MAP1LC3B: variants seen among roughly 807,000 people sequenced by gnomAD.
MAP1LC3B encodes the protein microtubule-associated protein 1 light chain 3 beta.
MAP1LC3B carries 12 observed loss-of-function variants against 16.7 expected under a neutral mutation model. The observed-to-expected ratio is 0.72, with a 90% CI of 0.46 to 1.16. The LOEUF (loss-of-function observed/expected upper bound fraction) is 1.16, where lower values mean the gene tolerates loss of function less well. Ranked by LOEUF, MAP1LC3B falls within the 50% of genes most tolerant of loss-of-function variation. MAP1LC3B has a pLI of 0.00. For synonymous variants in MAP1LC3B, 63 were observed against 56.5 expected, an observed-to-expected ratio of 1.11 and a Z score of -0.51; for missense variants, 155 against 159.5, an observed-to-expected ratio of 0.97 and a Z score of 0.15.
At chr16:87,393,883 C>T (rs1419701479) in intron 1 of MAP1LC3B, among the ~76,000 whole-genome samples, 1 of 152,186 alleles carries the variant, frequency 6.6e-6, no homozygotes, top group Non-Finnish European at 1.5e-5. Context: ...CTGTTTTCAC[C>T]AATGAAAAGT....
rs1908099057 is a variant in MAP1LC3B at position 87,404,284 on chromosome 16, T to G, written c.*1187T>G. 6.6e-6 allele frequency: 1 copy of G among 152,200 alleles called. No individual in the cohort carries two copies. The highest frequency in any genetic ancestry group is 2.1e-4 in the South Asian group (1 of 4,832). The allele number at this position is 152,200 out of a possible 1,614,324, so 9.4% of individuals were successfully genotyped here. ...CTTGCATGGGGTTCACTATTTATAG[T>G]TTTCTTGGGAGTATCACAGGAAAAT... is the stretch of plus-strand genomic sequence containing the variant. On this transcript the variant is annotated 3_prime_UTR_variant, in exon 4 of 4. Coordinates refer to ENST00000268607, the MANE Select transcript of MAP1LC3B (RefSeq NM_022818.5).
intron 1 of MAP1LC3B, chr16:87,393,463 G>A (rs1907682277): frequency 6.6e-6 from 1 of 152,218 alleles, no homozygotes; most frequent in African/African-American, 2.4e-5. Context: ...GTTTCCCGGA[G>A]TCTAGAAAGA....
intron 1 of MAP1LC3B, among the ~76,000 whole-genome samples, chr16:87,394,561 C>T (rs1001809033): frequency 1.3e-5 from 2 of 152,222 alleles, no homozygotes; most frequent in African/African-American, 4.8e-5. Context: ...AAAACAACGC[C>T]TTCCTTTTGT....
intron 1 of MAP1LC3B, among the ~76,000 whole-genome samples, chr16:87,398,591 A>G (rs562585647): frequency 1.3e-4 from 20 of 152,340 alleles, no homozygotes; most frequent in Non-Finnish European, 2.8e-4. Context: ...TCTTTGTCCT[A>G]TCACCTGATA....
In MAP1LC3B at chr16:87,394,317, A is replaced by G. The variant is rs529124010; in HGVS notation, c.40+1850A>G. Among the ~76,000 whole-genome samples the G allele has an allele frequency of 5.0e-3, 768 of 152,212 alleles. 5 individuals carry two copies. Among genetic ancestry groups the G allele is most frequent in the African/African-American group, 0.017 (704 of 41,536 alleles). Reference sequence around the variant, plus strand: ...CTTTCTAGTTCATGAATATTTTGGTAATGTTGATCATGAGTACTGACAGTT... The same window carrying G: ...CTTTCTAGTTCATGAATATTTTGGTGATGTTGATCATGAGTACTGACAGTT... On this transcript the variant is annotated intron_variant, in intron 1 of 3. Transcript: ENST00000268607.
At chr16:87,392,493 G>C (rs1351223149) in intron 1 of MAP1LC3B, 26 bp downstream of exon 1, 15 of 1,302,150 alleles carry the variant, frequency 1.2e-5, no homozygotes, top group Admixed American at 8.5e-5. Flanking sequence ...AGGGCGGCGG[G>C]TGCGGCGGGG....
At position 87,404,058 on chromosome 16, in the gene MAP1LC3B, G is replaced by A. The variant is rs1202895768; in HGVS notation, c.*961G>A. 6.6e-6 allele frequency: 1 copy of A among 152,178 alleles called. No homozygotes were observed. Among genetic ancestry groups the A allele is most frequent in the Admixed American group, 6.5e-5 (1 of 15,274 alleles). 9.4% of individuals were successfully genotyped at this position (152,178 alleles called of 1,614,324 possible). A position where few individuals can be genotyped will look rare whatever the true frequency, so the allele number is the denominator to read the frequency against. On this transcript the variant is annotated 3_prime_UTR_variant, in exon 4 of 4. Coordinates refer to ENST00000268607, the MANE Select transcript of MAP1LC3B (RefSeq NM_022818.5). Reference sequence around the variant, plus strand: ...TTTTTAATGTTAAATGTGTAACTCAGTATTACTGAAAAGGTACCCACATTT... The same window carrying A: ...TTTTTAATGTTAAATGTGTAACTCAATATTACTGAAAAGGTACCCACATTT...
intron 2 of MAP1LC3B, among the ~76,000 whole-genome samples, chr16:87,401,828 C>A (rs1908002620): frequency 6.6e-6 from 1 of 151,136 alleles, no homozygotes; most frequent in South Asian, 2.1e-4. Context: ...CCATGCCCAG[C>A]CTGATGACTT....
chr16:87,397,590 C>A (rs1907851255), intron 1 of MAP1LC3B, among the ~76,000 whole-genome samples: 1 of 152,134 alleles, frequency 6.6e-6, no homozygotes. Flanking sequence ...TGCACTCCAG[C>A]CTGGGCAACA....
chr16:87,398,788 T>A lies in MAP1LC3B; in HGVS notation c.41-27T>A, dbSNP rs368396552. 7 of 1,612,152 alleles carry A rather than the reference T, an allele frequency of 4.3e-6. No individual in the cohort carries two copies. In the African/African-American group the frequency reaches 5.3e-5, roughly 12 times the overall value. On this transcript the variant is annotated intron_variant, in intron 1 of 3. Coordinates refer to ENST00000268607, the MANE Select transcript of MAP1LC3B (RefSeq NM_022818.5). Reference sequence around the variant, plus strand: ...GAAGAAGCTGCCTGGCCCTTAGTAATGCTTCTGTCTCTTCATTTCATTGCA... The same window carrying A: ...GAAGAAGCTGCCTGGCCCTTAGTAAAGCTTCTGTCTCTTCATTTCATTGCA...
intron 2 of MAP1LC3B, chr16:87,399,227 G>A: frequency 3.8e-6 from 1 of 265,850 alleles, no homozygotes; most frequent in South Asian, 4.1e-5. Flanking sequence ...AACCCAGGCT[G>A]ATCTCAAACT....
chr16:87,392,552 G>A lies in MAP1LC3B; in HGVS notation c.40+85G>A, dbSNP rs1291387292. 2.6e-5 allele frequency: 30 copies of A among 1,168,416 alleles called. No individual in the cohort carries two copies. In the East Asian group the frequency reaches 9.7e-4, roughly 38 times the overall value. 72.4% of individuals were successfully genotyped at this position (1,168,416 alleles called of 1,614,324 possible). ...GGCAGGGCCTGGGACGCCGTGAGGG[G>A]TCGGGGCCGAGCCGGGAGGCCGAGC... is the stretch of plus-strand genomic sequence containing the variant. On this transcript the variant is annotated intron_variant, in intron 1 of 3. Coordinates refer to ENST00000268607, the MANE Select transcript of MAP1LC3B (RefSeq NM_022818.5).
intron 1 of MAP1LC3B, among the ~76,000 whole-genome samples, chr16:87,395,832 G>C (rs1597388810): frequency 6.8e-6 from 1 of 147,904 alleles, no homozygotes; most frequent in Admixed American, 6.8e-5. Context: ...ACTTCATAGA[G>C]CCTGTTTTTT....
At chr16:87,402,622 A>G in intron 3 of MAP1LC3B, 2 of 528,300 alleles carry the variant, frequency 3.8e-6, no homozygotes, top group Non-Finnish European at 6.6e-6. Flanking sequence ...AGTAAATGGC[A>G]CAGGCTTAGA....
At chr16:87,402,071 G>A (rs569095146) in intron 2 of MAP1LC3B, 104 bp from the exon 3 acceptor site, 18 of 1,033,022 alleles carry the variant, frequency 1.7e-5, no homozygotes, top group South Asian at 7.0e-5. Flanking sequence ...TCCTGACCTC[G>A]TGATGTGCCC....
rs1259695469 is a variant in MAP1LC3B at position 87,404,263 on chromosome 16, C to G, written c.*1166C>G. Reference sequence around the variant, plus strand: ...AAAGACTAGTGCTTCCCAGTACTTGCATGGGGTTCACTATTTATAGTTTTC... The same window carrying G: ...AAAGACTAGTGCTTCCCAGTACTTGGATGGGGTTCACTATTTATAGTTTTC... On this transcript the variant is annotated 3_prime_UTR_variant, in exon 4 of 4. Transcript: ENST00000268607. The G allele has an allele frequency of 2.0e-5, 3 of 152,152 alleles. No individual in the cohort carries two copies. Among genetic ancestry groups the G allele is most frequent in the Admixed American group, 2.0e-4 (3 of 15,268 alleles). The allele number at this position is 152,152 out of a possible 1,614,324, so 9.4% of individuals were successfully genotyped here. A position where few individuals can be genotyped will look rare whatever the true frequency, so the allele number is the denominator to read the frequency against.
At chr16:87,399,542 A>C (rs1355563102) in intron 2 of MAP1LC3B, 1 of 445,766 alleles carries the variant, frequency 2.2e-6, no homozygotes, top group African/African-American at 2.0e-5. Context: ...TTCTTTCCCA[A>C]AGAAGCATGT....
At chr16:87,398,092 C>T (rs1045276416) in intron 1 of MAP1LC3B, among the ~76,000 whole-genome samples, 8 of 151,836 alleles carry the variant, frequency 5.3e-5, no homozygotes, top group African/African-American at 1.5e-4. Flanking sequence ...GTGCAATGTC[C>T]GCTCACTGCA....
At chr16:87,401,649 C>T (rs12932516) in intron 2 of MAP1LC3B, among the ~76,000 whole-genome samples, 105,259 of 152,032 alleles carry the variant, frequency 0.69, 41,296 homozygotes, top group Non-Finnish European at 0.87. Flanking sequence ...TCTCAGCCTC[C>T]CGAGTAGCTG....
Sources: gnomAD v4.1 joint callset for allele counts (sites outside exome capture counted in the v4.1 genomes callset) on GRCh38, gnomAD v4.1.1 for gene constraint, MANE v1.5 for transcripts, NCBI Gene and HGNC (gene_info 2026-07-23, HGNC 2026-07-21) for gene names.